The following DGKB variants were observed in gnomAD, a reference collection of about 807,000 sequenced individuals.
DGKB encodes diacylglycerol kinase beta.
A neutral mutation model predicts 114.3 loss-of-function variants in DGKB; 67 were observed. That is an observed-to-expected ratio of 0.59 (90% CI 0.48 to 0.72). The LOEUF (loss-of-function observed/expected upper bound fraction) is 0.72. Ranked by LOEUF, DGKB falls within the 30% of genes least tolerant of loss-of-function variation. The probability of loss-of-function intolerance (pLI) is 0.00; values close to 1 mark genes in which losing one functional copy is unlikely to be tolerated. For missense variants in DGKB, 907 were observed against 975.2 expected (o/e 0.93, Z 0.93); for synonymous variants, 398 against 323.1 (o/e 1.23, Z -2.49).
At chr7:14,446,544 C>A (rs528686217) in intron 21 of DGKB, among the ~76,000 whole-genome samples, 1 of 152,224 alleles carries the variant, frequency 6.6e-6, no homozygotes, top group Non-Finnish European at 1.5e-5. Context: ...AACAATTCAA[C>A]TAAACCTTGA....
intron 1 of DGKB, among the ~76,000 whole-genome samples, chr7:14,880,460 A>T (rs948550853): frequency 6.6e-6 from 1 of 152,130 alleles, no homozygotes; most frequent in Non-Finnish European, 1.5e-5. Flanking sequence ...TCCATCTCAA[A>T]TAAATAAATA....
chr7:14,943,341 A>T (rs866180605), intron 1 of DGKB, among the ~76,000 whole-genome samples: 1 of 151,786 alleles, frequency 6.6e-6, no homozygotes. Context: ...TAAGAAAAAA[A>T]CCTCTATAAT....
chr7:14,621,595 C>G (rs1807668951), intron 14 of DGKB, 101 bp from the exon 15 acceptor site: 1 of 684,008 alleles, frequency 1.5e-6, no homozygotes, highest in Non-Finnish European at 2.4e-6. Flanking sequence ...GTTACAAACA[C>G]AGGCTCAACT....
chr7:14,590,179 AAAGAG>A (rs1215039383), intron 17 of DGKB, among the ~76,000 whole-genome samples: 6 of 151,280 alleles, frequency 4.0e-5, no homozygotes, highest in Admixed American at 6.6e-5. Context: ...AAAAAACATT[AAAGAG>A]AAAAGTCTTA....
intron 21 of DGKB, among the ~76,000 whole-genome samples, chr7:14,428,033 A>G (rs920057990): frequency 6.6e-6 from 1 of 151,974 alleles, no homozygotes; most frequent in Non-Finnish European, 1.5e-5. Flanking sequence ...TTTATTTTTC[A>G]ATATTTTCAA....
chr7:14,915,382 C>T (rs1017214980), intron 1 of DGKB, among the ~76,000 whole-genome samples: 1 of 151,838 alleles, frequency 6.6e-6, no homozygotes, highest in Non-Finnish European at 1.5e-5. Flanking sequence ...GACCCTAACG[C>T]CATAAGAAAA....
chr7:14,535,040 G>A (rs1370104800), intron 20 of DGKB, among the ~76,000 whole-genome samples: 1 of 152,102 alleles, frequency 6.6e-6, no homozygotes, highest in African/African-American at 2.4e-5. Flanking sequence ...AAAGCAGTAT[G>A]AAGAGGGAAG....
intron 1 of DGKB, among the ~76,000 whole-genome samples, chr7:14,929,143 C>T (rs556464143): frequency 2.6e-5 from 4 of 151,856 alleles, no homozygotes; most frequent in African/African-American, 7.3e-5. Context: ...TTGATAAACA[C>T]TTAGGTTGAT....
intron 23 of DGKB, among the ~76,000 whole-genome samples, chr7:14,186,400 C>T (rs1197551893): frequency 1.3e-5 from 2 of 152,102 alleles, no homozygotes; most frequent in Non-Finnish European, 2.9e-5. Flanking sequence ...GAATAGAGAA[C>T]AATTCTACAC....
At chr7:14,212,793 T>C (rs937606330) in intron 23 of DGKB, among the ~76,000 whole-genome samples, 1 of 152,076 alleles carries the variant, frequency 6.6e-6, no homozygotes, top group Non-Finnish European at 1.5e-5. Flanking sequence ...CCTTCCAAAT[T>C]TCACCACCAT....
rs1825189872 is a variant in DGKB, at chr7:14,701,611, A to G, written c.516+70T>C. The G allele has an allele frequency of 7.2e-6, 8 of 1,118,594 alleles. No homozygotes were observed. In the Admixed American group the frequency reaches 1.4e-4, roughly 19 times the overall value. The allele number at this position is 1,118,594 out of a possible 1,614,324, so 69.3% of individuals were successfully genotyped here. On this transcript the variant is annotated intron_variant, in intron 7 of 25. Coordinates refer to ENST00000402815, the MANE Select transcript of DGKB (RefSeq NM_001350709.2). ...TGTGCCTTCTGTGGTAATAACTACA[A>G]ATTTATTCATTGCATTCTTCAGAAG...
At chr7:14,550,004 C>T (rs1480936491) in intron 20 of DGKB, among the ~76,000 whole-genome samples, 1 of 151,164 alleles carries the variant, frequency 6.6e-6, no homozygotes, top group African/African-American at 2.4e-5. Context: ...AAACAAAAAA[C>T]TTTAGCCATT....
intron 5 of DGKB, among the ~76,000 whole-genome samples, chr7:14,730,269 G>C (rs1830710242): frequency 6.6e-6 from 1 of 152,186 alleles, no homozygotes; most frequent in South Asian, 2.1e-4. Flanking sequence ...AATACTAAAT[G>C]GTTGGAGTTG....
chr7:14,409,249 T>C (rs1442872618), intron 21 of DGKB, among the ~76,000 whole-genome samples: 1 of 152,128 alleles, frequency 6.6e-6, no homozygotes, highest in African/African-American at 2.4e-5. Flanking sequence ...CTTTCTCTAG[T>C]AAATTCCGTA....
intron 2 of DGKB, among the ~76,000 whole-genome samples, chr7:14,758,392 T>A (rs1398425170): frequency 3.9e-5 from 6 of 152,062 alleles, no homozygotes; most frequent in Non-Finnish European, 7.4e-5. Context: ...ATGATATAGA[T>A]ATATACATTC....
At chr7:14,521,658 T>C (rs1427118805) in intron 20 of DGKB, among the ~76,000 whole-genome samples, 1 of 152,178 alleles carries the variant, frequency 6.6e-6, no homozygotes, top group East Asian at 1.9e-4. Context: ...TGAGTTATTT[T>C]CATGGATCCC....
chr7:14,664,197 G>A (rs1817639404), intron 13 of DGKB, among the ~76,000 whole-genome samples: 1 of 151,910 alleles, frequency 6.6e-6, no homozygotes, highest in African/African-American at 2.4e-5. Context: ...CCAGATTCAT[G>A]GCTGCATATT....
chr7:14,497,191 G>A (rs1300893291), intron 20 of DGKB, among the ~76,000 whole-genome samples: 1 of 151,612 alleles, frequency 6.6e-6, no homozygotes, highest in Non-Finnish European at 1.5e-5. Context: ...CAGAAGCGGG[G>A]AGAAAGAAAG....
intron 12 of DGKB, among the ~76,000 whole-genome samples, chr7:14,676,991 T>C (rs1220120512): frequency 6.6e-6 from 1 of 152,052 alleles, no homozygotes; most frequent in Non-Finnish European, 1.5e-5. Flanking sequence ...TTCAGTGCCA[T>C]ATGTAGGAAA....
Sources: allele counts gnomAD v4.1 joint callset (sites outside exome capture counted in the v4.1 genomes callset), GRCh38; gene constraint gnomAD v4.1.1; transcripts MANE v1.5; gene names NCBI Gene and HGNC (gene_info 2026-07-23, HGNC 2026-07-21).